C7orf57: variants seen among roughly 807,000 people sequenced by gnomAD.
C7orf57 encodes uncharacterized protein C7orf57.
A neutral mutation model predicts 39.0 loss-of-function variants in C7orf57; 33 were observed. That is an observed-to-expected ratio of 0.85 (90% confidence interval 0.64 to 1.13). The LOEUF is 1.13. Among genes scored for constraint, C7orf57 ranks in the 50% most tolerant of loss-of-function variants. The pLI is 0.00. For missense variants in C7orf57, 346 were observed against 362.3 expected (o/e 0.95, Z 0.37); for synonymous variants, 124 against 137.1 (o/e 0.90, Z 0.67).
At chr7:48,037,940 T>C (rs532986771) in intron 2 of C7orf57, among the ~76,000 whole-genome samples, 2 of 152,320 alleles carry the variant, frequency 1.3e-5, no homozygotes, top group South Asian at 4.1e-4. Flanking sequence ...CTGTTCTCTG[T>C]GGATTAATTA....
chr7:48,048,953 C>A (rs1053629284), intron 5 of C7orf57, among the ~76,000 whole-genome samples: 4 of 152,162 alleles, frequency 2.6e-5, no homozygotes, highest in Non-Finnish European at 5.9e-5. Context: ...ATTCCAAACT[C>A]CTCCCTGACC....
intron 2 of C7orf57, among the ~76,000 whole-genome samples, chr7:48,040,062 A>T (rs1419725045): frequency 6.6e-6 from 1 of 152,168 alleles, no homozygotes; most frequent in East Asian, 1.9e-4. Context: ...TGTGGGGGTC[A>T]TCAATAAACA....
intron 7 of C7orf57, among the ~76,000 whole-genome samples, chr7:48,054,192 A>C (rs1791042607): frequency 6.6e-6 from 1 of 152,218 alleles, no homozygotes; most frequent in South Asian, 2.1e-4. Context: ...AGGCAGGCAG[A>C]TTACCTGAGG....
At position 48,042,738 on chromosome 7, in the gene C7orf57, C is replaced by A. The variant is rs34051791; in HGVS notation, c.242-743C>A. On this transcript the variant is annotated intron_variant, in intron 3 of 8. Coordinates refer to ENST00000348904, the MANE Select transcript of C7orf57 (RefSeq NM_001100159.3). ...TTCTTACTGATAGTAATAGGTCAAC[C>A]AAAGTTGTCTGCTACTGCCACAGGC... 1.9e-3 allele frequency among the ~76,000 whole-genome samples: 295 copies of A among 151,814 alleles called. 2 individuals are homozygous for A. The highest frequency in any genetic ancestry group is 2.7e-3 in the Non-Finnish European group (182 of 67,914).
intron 5 of C7orf57, among the ~76,000 whole-genome samples, chr7:48,047,274 C>G (rs1790744977): frequency 6.6e-6 from 1 of 152,186 alleles, no homozygotes; most frequent in Non-Finnish European, 1.5e-5. Flanking sequence ...GGGGCATCAG[C>G]ACCAGGTCTC....
At chr7:48,051,780 TTC>T (rs1285741943) in intron 6 of C7orf57, among the ~76,000 whole-genome samples, 2 of 115,242 alleles carry the variant, frequency 1.7e-5, no homozygotes, top group African/African-American at 6.5e-5. Flanking sequence ...CTTTCTTTCT[TTC>T]TTTCTTTCTT....
intron 2 of C7orf57, among the ~76,000 whole-genome samples, chr7:48,040,053 G>A (rs1290041234): frequency 6.6e-6 from 1 of 152,032 alleles, no homozygotes; most frequent in Non-Finnish European, 1.5e-5. Flanking sequence ...TCTTCTCTCT[G>A]TGGGGGTCAT....
In C7orf57 at chr7:48,060,388, A is replaced by C. The variant is rs1463901435; in HGVS notation, c.*116A>C. The C allele has an allele frequency of 3.4e-6, 2 of 592,740 alleles. No homozygotes were observed. The highest frequency in any genetic ancestry group is 5.7e-6 in the Non-Finnish European group (2 of 352,204). 36.7% of individuals were successfully genotyped at this position (592,740 alleles called of 1,614,324 possible). ...TTTTATTAATATAGACTCTCATTGA[A>C]TAATTTACCTTGCAGCAGATTTGAC... On this transcript the variant is annotated 3_prime_UTR_variant, in exon 9 of 9. Coordinates refer to ENST00000348904, the MANE Select transcript of C7orf57 (RefSeq NM_001100159.3).
At chr7:48,038,891 T>C (rs1790465210) in intron 2 of C7orf57, among the ~76,000 whole-genome samples, 1 of 152,112 alleles carries the variant, frequency 6.6e-6, no homozygotes, top group South Asian at 2.1e-4. Context: ...TTCCAGGTCA[T>C]AGGTGGATTT....
intron 7 of C7orf57, 39 bp downstream of exon 7, chr7:48,052,962 G>T: frequency 6.6e-7 from 1 of 1,506,450 alleles, no homozygotes; most frequent in South Asian, 1.1e-5. Context: ...TTGGAGGCTT[G>T]GTTAATTGTG....
At chr7:48,044,773 G>A (rs1012225303) in intron 4 of C7orf57, among the ~76,000 whole-genome samples, 6 of 152,200 alleles carry the variant, frequency 3.9e-5, no homozygotes, top group Admixed American at 6.5e-5. Context: ...GGGAGCCATC[G>A]TTCCCATAAT....
At chr7:48,046,902 T>C (rs1191542260) in intron 5 of C7orf57, among the ~76,000 whole-genome samples, 1 of 152,252 alleles carries the variant, frequency 6.6e-6, no homozygotes, top group Non-Finnish European at 1.5e-5. Context: ...TAGCACTTCT[T>C]ATCAGGCCAA....
chr7:48,036,907 A>T (rs1790385906), intron 2 of C7orf57, among the ~76,000 whole-genome samples: 1 of 151,520 alleles, frequency 6.6e-6, no homozygotes, highest in South Asian at 2.1e-4. Flanking sequence ...AAGGAAGAAG[A>T]AGTCTTGAGA....
At chr7:48,056,931 A>G (rs1166021908) in intron 8 of C7orf57, among the ~76,000 whole-genome samples, 1 of 152,038 alleles carries the variant, frequency 6.6e-6, no homozygotes, top group Non-Finnish European at 1.5e-5. Context: ...TTGAAAATTA[A>G]TTGACTGTTA....
rs138517082 is a variant in C7orf57, at chr7:48,055,298, A to G, written c.841+692A>G. Among the ~76,000 whole-genome samples, 32 of 148,284 alleles carry G rather than the reference A, an allele frequency of 2.2e-4. No homozygotes were observed. The East Asian group carries it at 6.3e-3, about 29-fold the overall frequency. On this transcript the variant is annotated intron_variant, in intron 8 of 8. Transcript: ENST00000348904. The stretch of plus-strand genomic sequence containing the variant: ...AAGTAAAAAGCCATCGGAGACTCCA[A>G]TTTATTTTTTAGTTTACTTTTTATT...
chr7:48,055,858 TTC>T (rs1480710340), intron 8 of C7orf57, among the ~76,000 whole-genome samples: 2 of 152,174 alleles, frequency 1.3e-5, no homozygotes, highest in Non-Finnish European at 2.9e-5. Flanking sequence ...TTTTTCCTTA[TTC>T]ATCTGTTCAT....
At chr7:48,042,333 A>G (rs1024832342) in intron 3 of C7orf57, among the ~76,000 whole-genome samples, 2 of 152,258 alleles carry the variant, frequency 1.3e-5, no homozygotes, top group East Asian at 3.8e-4. Context: ...AAGAACATTA[A>G]GGGGACAAAC....
Position 48,049,932 on chromosome 7 carries a change from T to C in C7orf57, c.560T>C (p.Leu187Pro). The change falls in exon 6 of 9, where the codon CTT becomes CCT. Residue 187 changes from leucine to proline, a missense_variant. Physicochemically the swap from Leu to Pro is moderately conservative, Grantham distance 98. Coordinates refer to ENST00000348904, the MANE Select transcript of C7orf57 (RefSeq NM_001100159.3). Reference protein sequence around the residue: ...SKYLSKAGTPLGPKNPAGSRL... With the variant: ...SKYLSKAGTPPGPKNPAGSRL... The stretch of plus-strand genomic sequence containing the variant: ...TATCTGAGCAAAGCAGGCACCCCAC[T>C]TGGCCCTAAGAATCCTGCAGGAAGT... 1.9e-6 allele frequency: 3 copies of C among 1,613,768 alleles called. No homozygotes were observed. The highest frequency in any genetic ancestry group is 2.5e-6 in the Non-Finnish European group (3 of 1,179,738).
At chr7:48,055,058 A>G (rs1299056396) in intron 8 of C7orf57, among the ~76,000 whole-genome samples, 1 of 152,126 alleles carries the variant, frequency 6.6e-6, no homozygotes, top group African/African-American at 2.4e-5. Flanking sequence ...TTGTATTTTT[A>G]GTAGAGGCGG....
Sources: allele counts gnomAD v4.1 joint callset (sites outside exome capture counted in the v4.1 genomes callset), GRCh38; gene constraint gnomAD v4.1.1; transcripts MANE v1.5; gene names NCBI Gene and HGNC (gene_info 2026-07-23, HGNC 2026-07-21).